Variants in CCDC136 observed in about 807,000 individuals in gnomAD.
The protein encoded by CCDC136 is coiled-coil domain containing 136.
CCDC136 carries 100 observed loss-of-function variants against 141.2 expected under a neutral mutation model. The ratio of observed to expected loss-of-function variants is 0.71; its 90% confidence interval spans 0.60 to 0.84. The LOEUF is 0.84. Ranked by LOEUF, CCDC136 falls within the 40% of genes least tolerant of loss-of-function variation. CCDC136 has a pLI of 0.00. For synonymous variants in CCDC136, 474 were observed against 531.9 expected (o/e 0.89, Z 1.50); for missense variants, 1,206 against 1,379.4 (o/e 0.87, Z 1.99).
At chr7:128,810,553 G>A (rs1805562699) in intron 12 of CCDC136, among the ~76,000 whole-genome samples, 187 bp downstream of exon 12, 1 of 152,182 alleles carries the variant, frequency 6.6e-6, no homozygotes, top group African/African-American at 2.4e-5. Context: ...TTTAGATACG[G>A]CCTGAGGACC....
In CCDC136 at chr7:128,815,789, C is replaced by T. The variant is rs1315240452; in HGVS notation, c.3221C>T (p.Ser1074Phe). Residue 1074 changes from serine to phenylalanine, a missense_variant, in exon 16 of 18, where the codon TCC becomes TTC. Coordinates refer to ENST00000297788, the MANE Select transcript of CCDC136 (RefSeq NM_022742.5). The part of the protein sequence containing the change: ...AEPADPEEAK[S>F]TEDQEENEED... The stretch of plus-strand genomic sequence containing the variant: ...CCAGCAGATCCTGAGGAAGCTAAAT[C>T]CACAGAAGATCAGGAGGAAAATGAA... 6.3e-7 allele frequency: 1 copy of T among 1,589,434 alleles called. No homozygotes were observed. The highest frequency in any genetic ancestry group is 2.3e-5 in the East Asian group (1 of 43,510).
chr7:128,791,897 A>T (rs1802221038), upstream of CCDC136: 1 of 491,302 alleles, frequency 2.0e-6, no homozygotes, highest in African/African-American at 2.0e-5. The surrounding 1 kb of genome is among the most constrained non-coding windows in gnomAD (Gnocchi z 7.1). Context: ...GTCCAGCGAG[A>T]GAATGGGAGG....
rs2128916024 is a variant in CCDC136 at position 128,810,168 on chromosome 7, C to G, written c.1830C>G (p.Asp610Glu). ...AGGAGCTACTCACCAAGTTAGAAGA[C>G]CTGTGTGAGCTGCAGCTGCTCTACC... ...KSQELLTKLE[D>E]LCELQLLYQG... The change falls in exon 12 of 18, where the codon GAC (aspartate) becomes GAG (glutamate). Residue 610 changes from aspartate to glutamate, a missense_variant. By Grantham distance (45) the Asp-to-Glu change is conservative. Coordinates refer to ENST00000297788, the MANE Select transcript of CCDC136 (RefSeq NM_022742.5). 2 of 1,600,566 alleles carry G rather than the reference C, an allele frequency of 1.2e-6. No homozygotes were observed. Among genetic ancestry groups the G allele is most frequent in the South Asian group, 1.1e-5 (1 of 88,600 alleles).
At chr7:128,791,429 C>G (rs968266225), upstream of CCDC136, 1 of 1,201,246 alleles carries the variant, frequency 8.3e-7, no homozygotes, top group South Asian at 2.7e-5. The surrounding 1 kb of genome is among the most constrained non-coding windows in gnomAD (Gnocchi z 7.1). Context: ...GCACCCGGCT[C>G]GGGTCCCCGG....
intron 4 of CCDC136, among the ~76,000 whole-genome samples, chr7:128,803,870 A>G (rs1021269644): frequency 6.8e-6 from 1 of 146,826 alleles, no homozygotes; most frequent in Non-Finnish European, 1.5e-5. Flanking sequence ...GCTGGAGTGC[A>G]GTGGCACAGT....
At position 128,792,155 on chromosome 7, in the gene CCDC136, C is replaced by G. The variant is rs1433816897; in HGVS notation, c.-257C>G. ...CTGGGAGGCAGGGCTGAGAGGTGGC[C>G]GAGAGAGAGGAGTCGCAGAGCCGCC... On this transcript the variant is annotated 5_prime_UTR_variant, in exon 1 of 18. Coordinates refer to ENST00000297788, the MANE Select transcript of CCDC136 (RefSeq NM_022742.5). 2.1e-6 allele frequency: 3 copies of G among 1,435,016 alleles called. No homozygotes were observed. The Admixed American group carries it at 8.2e-5, about 39-fold the overall frequency. The allele number at this position is 1,435,016 out of a possible 1,614,324, so 88.9% of individuals were successfully genotyped here.
chr7:128,791,777 G>A (rs566846854), upstream of CCDC136: 3 of 399,988 alleles, frequency 7.5e-6, no homozygotes, highest in South Asian at 4.0e-4. This position sits in a 1 kb window ranked among gnomAD's most constrained non-coding sequence, Gnocchi z 7.1. Flanking sequence ...CCTCCCCAGC[G>A]CGTCTCTCCA....
rs189804470 is a variant in CCDC136 at position 128,812,282 on chromosome 7, C to T, written c.2511C>T (p.Asp837=). The T allele has an allele frequency of 6.2e-6, 10 of 1,612,920 alleles. No individual in the cohort carries two copies. The East Asian group carries it at 8.9e-5, about 14-fold the overall frequency. Residue 837 remains aspartate, a synonymous_variant, in exon 13 of 18, where the codon GAC becomes GAT. Transcript: ENST00000297788. The part of the protein sequence containing the change: ...CQKSFVSSCT[D]EEPAEPEDME... ...AGAGTTTTGTCAGCAGCTGCACTGA[C>T]GAGGAACCTGCTGAGCCTGAAGACA... is the stretch of plus-strand genomic sequence containing the variant.
chr7:128,809,714 A>G, intron 11 of CCDC136, 70 bp downstream of exon 11: 1 of 1,182,006 alleles, frequency 8.5e-7, no homozygotes. Context: ...GTGACTAGGG[A>G]AAAATAAAAG....
Position 128,806,794 on chromosome 7 carries a change from GCCATGAGGCAGAGCTGCAGCA to G in CCDC136, c.1358_1378del (p.His453_His459del). ...CAGCAGCTGCAGGAGGAGCTGCAGT[GCCATGAGGCAGAGCTGCAGCA>G]CCTCAGGGATACGGTGGCCTCCTTC... On this transcript the variant is annotated inframe_deletion, in exon 9 of 18. Transcript: ENST00000297788. 1 of 1,612,286 alleles carries G rather than the reference GCCATGAGGCAGAGCTGCAGCA, an allele frequency of 6.2e-7. No individual in the cohort carries two copies. Among genetic ancestry groups the G allele is most frequent in the Non-Finnish European group, 8.5e-7 (1 of 1,179,124 alleles).
Position 128,812,833 on chromosome 7 carries a change from A to G in CCDC136, c.2667A>G (p.Lys889=), listed in dbSNP as rs1320063358. ...EQMEKLLAKQ[K]DLKEELDACE... is the part of the protein sequence containing the mutation. ...TGGAAAAGTTACTGGCCAAGCAGAA[A>G]GACCTGAAGGAAGAGCTGGATGCCT... The change falls in exon 14 of 18, where the codon AAA becomes AAG. Residue 889 remains lysine, a synonymous_variant. Coordinates refer to ENST00000297788, the MANE Select transcript of CCDC136 (RefSeq NM_022742.5). The G allele has an allele frequency of 6.2e-7, 1 of 1,613,512 alleles. No homozygotes were observed. Among genetic ancestry groups the G allele is most frequent in the African/African-American group, 1.3e-5 (1 of 74,904 alleles).
At chr7:128,791,758 C>G (rs1188879297), upstream of CCDC136, 15 of 407,172 alleles carry the variant, frequency 3.7e-5, no homozygotes, top group East Asian at 5.1e-4. This position sits in a 1 kb window ranked among gnomAD's most constrained non-coding sequence, Gnocchi z 7.1. Context: ...CGCATCCTGC[C>G]TGGTGGTCCC....
rs374224469 is a variant in CCDC136 at position 128,799,476 on chromosome 7, C to T, written c.347-1710C>T. On this transcript the variant is annotated intron_variant, in intron 3 of 17. Transcript: ENST00000297788. ...AATACATCAAATATCTATTGAGCTTCGTTTTCAGGCACAATACTAGATCCT... is the reference window on the plus strand; with the variant it reads ...AATACATCAAATATCTATTGAGCTTTGTTTTCAGGCACAATACTAGATCCT... Among the ~76,000 whole-genome samples, 58 of 151,820 alleles carry T rather than the reference C, an allele frequency of 3.8e-4. No individual in the cohort carries two copies. In the East Asian group the frequency reaches 9.7e-3, roughly 25 times the overall value.
At chr7:128,804,528 C>T in intron 4 of CCDC136, 122 bp from the exon 5 acceptor site, 1 of 646,030 alleles carries the variant, frequency 1.5e-6, no homozygotes, top group Non-Finnish European at 2.7e-6. Flanking sequence ...TTTTTTCTGT[C>T]TTTAGAAAAA....
intron 4 of CCDC136, among the ~76,000 whole-genome samples, chr7:128,804,412 CAG>C (rs769224596): frequency 7.9e-5 from 12 of 152,182 alleles, no homozygotes; most frequent in Non-Finnish European, 1.5e-4. Flanking sequence ...GATGAGCACA[CAG>C]GGTAAATCTT....
chr7:128,801,894 CAG>C (rs1158619292), intron 4 of CCDC136, among the ~76,000 whole-genome samples: 3 of 152,198 alleles, frequency 2.0e-5, no homozygotes, highest in Admixed American at 6.5e-5. Context: ...GGGAATTCTT[CAG>C]AGAGTCATTG....
At chr7:128,793,086 C>T (rs1339966170) in intron 1 of CCDC136, among the ~76,000 whole-genome samples, 1 of 152,220 alleles carries the variant, frequency 6.6e-6, no homozygotes, top group Non-Finnish European at 1.5e-5. Flanking sequence ...ACAGATGGCA[C>T]GAAGGGTCCC....
intron 4 of CCDC136, among the ~76,000 whole-genome samples, chr7:128,804,050 A>T (rs2128907857): frequency 6.6e-6 from 1 of 152,316 alleles, no homozygotes; most frequent in Non-Finnish European, 1.5e-5. Context: ...TCCTGACCTC[A>T]AGTGATCTGC....
In CCDC136 at chr7:128,812,029, C is replaced by G; in HGVS notation, c.2258C>G (p.Pro753Arg). The change falls in exon 13 of 18, where the codon CCC becomes CGC. Residue 753 changes from proline to arginine, a missense_variant. By Grantham distance (103) the Pro-to-Arg change is moderately radical. Coordinates refer to ENST00000297788, the MANE Select transcript of CCDC136 (RefSeq NM_022742.5). ...GGGAAGAGCTATGGTAGCATGGTCCCCAGCAATGAGAACTGTCGCAAGACT... is the reference window on the plus strand; with the variant it reads ...GGGAAGAGCTATGGTAGCATGGTCCGCAGCAATGAGAACTGTCGCAAGACT... ...SYGKSYGSMV[P>R]SNENCRKTYD... 6.2e-7 allele frequency: 1 copy of G among 1,613,994 alleles called. No homozygotes were observed. Among genetic ancestry groups the G allele is most frequent in the Non-Finnish European group, 8.5e-7 (1 of 1,179,882 alleles).
Sources: allele counts gnomAD v4.1 joint callset (sites outside exome capture counted in the v4.1 genomes callset), GRCh38; gene constraint gnomAD v4.1.1; non-coding constraint Gnocchi (gnomAD v3.1); transcripts MANE v1.5; gene names NCBI Gene and HGNC (gene_info 2026-07-23, HGNC 2026-07-21).